LHX2: variants seen among roughly 807,000 people sequenced by gnomAD.
LHX2 encodes LIM homeobox 2, also known as LIM/homeobox protein Lhx2.
In LHX2, 6 loss-of-function variants were observed where a neutral mutation model predicts 33.0. That is an observed-to-expected ratio of 0.18 (90% confidence interval 0.10 to 0.36). The LOEUF (loss-of-function observed/expected upper bound fraction) is 0.36. Among genes scored for constraint, LHX2 ranks in the 10% least tolerant of loss-of-function variants. LHX2 has a pLI of 1.00. For missense variants in LHX2, 442 were observed against 586.2 expected (o/e 0.75, Z 2.54); for synonymous variants, 292 against 253.1 (o/e 1.15, Z -1.46).
At chr9:124,024,501 A>C (rs890144987) in intron 4 of LHX2, among the ~76,000 whole-genome samples, 1 of 152,236 alleles carries the variant, frequency 6.6e-6, no homozygotes, top group African/African-American at 2.4e-5. Context: ...ACTTACCAGC[A>C]GTGAGATTTG....
At chr9:124,018,536 T>G (rs1367138698) in intron 3 of LHX2, among the ~76,000 whole-genome samples, 1 of 151,894 alleles carries the variant, frequency 6.6e-6, no homozygotes, top group African/African-American at 2.4e-5. Flanking sequence ...TTTCCCCTTT[T>G]CTCTACTCCC....
chr9:124,024,810 G>T (rs1166871469), intron 4 of LHX2, among the ~76,000 whole-genome samples: 1 of 152,168 alleles, frequency 6.6e-6, no homozygotes, highest in Non-Finnish European at 1.5e-5. Context: ...TAGAACCCTG[G>T]CCCTGAGTCT....
chr9:124,012,589 C>G lies in LHX2; in HGVS notation c.120+121C>G. 8.3e-7 allele frequency: 1 copy of G among 1,209,982 alleles called. No homozygotes were observed. The highest frequency in any genetic ancestry group is 1.1e-6 in the Non-Finnish European group (1 of 934,106). 75.0% of individuals were successfully genotyped at this position (1,209,982 alleles called of 1,614,324 possible). A position where few individuals can be genotyped will look rare whatever the true frequency, so the allele number is the denominator to read the frequency against. ...CCGCACGGGACTGGGTGCTGGGGAT[C>G]CTCGGTCAGAATGCAAGGCCGGTGG... On this transcript the variant is annotated intron_variant, in intron 1 of 4. Transcript: ENST00000373615. The surrounding 1 kb of genome is among the most constrained non-coding windows in gnomAD (Gnocchi z 4.3).
chr9:124,015,936 C>G lies in LHX2; in HGVS notation c.727+411C>G, dbSNP rs1247954952. 6.6e-6 allele frequency among the ~76,000 whole-genome samples: 1 copy of G among 152,214 alleles called. No homozygotes were observed. On this transcript the variant is annotated intron_variant, in intron 3 of 4. Transcript: ENST00000373615. The surrounding 1 kb of genome is among the most constrained non-coding windows in gnomAD (Gnocchi z 7.9). The stretch of plus-strand genomic sequence containing the variant: ...GGAACGAGGCAGGGCGGCGAGGGTC[C>G]CAAGAGAAAGGGCTGGCTGTGGCCC...
Position 124,032,722 on chromosome 9 carries a change from T to A in LHX2, c.*15T>A. The A allele has an allele frequency of 6.5e-7, 1 of 1,541,808 alleles. No individual in the cohort carries two copies. The highest frequency in any genetic ancestry group is 1.4e-5 in the African/African-American group (1 of 72,310). ...ACCTTTTCTAATGACTCGCAACCCCTCACCCCACAATTTCTTTAAAAAAGA... is the reference window on the plus strand; with the variant it reads ...ACCTTTTCTAATGACTCGCAACCCCACACCCCACAATTTCTTTAAAAAAGA... On this transcript the variant is annotated 3_prime_UTR_variant, in exon 5 of 5. Transcript: ENST00000373615. The surrounding 1 kb of genome is among the most constrained non-coding windows in gnomAD (Gnocchi z 4.1).
Position 124,011,925 on chromosome 9 carries a change from G to A in LHX2, c.-424G>A, listed in dbSNP as rs1859092385. 2 of 152,192 alleles carry A rather than the reference G, an allele frequency of 1.3e-5. No homozygotes were observed. The highest frequency in any genetic ancestry group is 4.1e-4 in the South Asian group (2 of 4,834). 9.4% of individuals were successfully genotyped at this position (152,192 alleles called of 1,614,324 possible). A position where few individuals can be genotyped will look rare whatever the true frequency, so the allele number is the denominator to read the frequency against. ...CCGCCGCGGACACCTAGCGGCTTCA[G>A]GGTGAACCCCGACCGCAGCCGTCGC... On this transcript the variant is annotated 5_prime_UTR_variant, in exon 1 of 5. Coordinates refer to ENST00000373615, the MANE Select transcript of LHX2 (RefSeq NM_004789.4).
At position 124,030,703 on chromosome 9, in the gene LHX2, C is replaced by T. The variant is rs1405271680; in HGVS notation, c.934-1717C>T. 2.1e-5 allele frequency among the ~76,000 whole-genome samples: 3 copies of T among 142,550 alleles called. No homozygotes were observed. The East Asian group carries it at 6.2e-4, about 29-fold the overall frequency. 93.5% of individuals were successfully genotyped at this position (142,550 alleles called of 152,430 possible). On this transcript the variant is annotated intron_variant, in intron 4 of 4. Coordinates refer to ENST00000373615, the MANE Select transcript of LHX2 (RefSeq NM_004789.4). ...CTGGAGTGCAGTGGTGGGATCTTGG[C>T]TCACTGTATCCTCCGCCTCCCGGGT...
In LHX2 at chr9:124,012,219, G is replaced by T; in HGVS notation, c.-130G>T. 6 of 964,800 alleles carry T rather than the reference G, an allele frequency of 6.2e-6. No individual in the cohort carries two copies. The highest frequency in any genetic ancestry group is 7.9e-6 in the Non-Finnish European group (6 of 761,258). The allele number at this position is 964,800 out of a possible 1,614,324, so 59.8% of individuals were successfully genotyped here. On this transcript the variant is annotated 5_prime_UTR_variant, in exon 1 of 5. Coordinates refer to ENST00000373615, the MANE Select transcript of LHX2 (RefSeq NM_004789.4). The surrounding 1 kb of genome is among the most constrained non-coding windows in gnomAD (Gnocchi z 4.3). Reference sequence around the variant, plus strand: ...GAGCCCGGCCTGGGGGCTCAGCCGAGCTCGGGCGGGGCCGGGGCCGCGGTG... The same window carrying T: ...GAGCCCGGCCTGGGGGCTCAGCCGATCTCGGGCGGGGCCGGGGCCGCGGTG...
rs975969502 is a variant in LHX2, at chr9:124,016,588, C to T, written c.727+1063C>T. 6.6e-6 allele frequency among the ~76,000 whole-genome samples: 1 copy of T among 152,126 alleles called. No individual in the cohort carries two copies. The highest frequency in any genetic ancestry group is 2.1e-4 in the South Asian group (1 of 4,818). ...ACCCAAGACTGTGCAGAGGGTGCTA[C>T]GGCGGGAAGAAGTCAGTTATTTTCA... On this transcript the variant is annotated intron_variant, in intron 3 of 4. Coordinates refer to ENST00000373615, the MANE Select transcript of LHX2 (RefSeq NM_004789.4). This position sits in a 1 kb window ranked among gnomAD's most constrained non-coding sequence, Gnocchi z 4.4.
chr9:124,016,266 G>A lies in LHX2; in HGVS notation c.727+741G>A, dbSNP rs1564549082. Among the ~76,000 whole-genome samples the A allele has an allele frequency of 6.6e-6, 1 of 152,154 alleles. No individual in the cohort carries two copies. Among genetic ancestry groups the A allele is most frequent in the Non-Finnish European group, 1.5e-5 (1 of 68,016 alleles). ...GGGGTGAGGTGGGGGGCTTGGTTCG[G>A]ATTTCCGGCATCTTTGAACCCCAGG... On this transcript the variant is annotated intron_variant, in intron 3 of 4. Coordinates refer to ENST00000373615, the MANE Select transcript of LHX2 (RefSeq NM_004789.4). This position sits in a 1 kb window ranked among gnomAD's most constrained non-coding sequence, Gnocchi z 4.4.
intron 4 of LHX2, among the ~76,000 whole-genome samples, chr9:124,027,131 A>G (rs769050757): frequency 6.6e-6 from 1 of 152,250 alleles, no homozygotes; most frequent in Non-Finnish European, 1.5e-5. Context: ...GCCTGGGGCT[A>G]GAACCAAGGG....
chr9:124,014,138 A>C lies in LHX2; in HGVS notation c.298A>C (p.Ile100Leu). The C allele has an allele frequency of 6.2e-7, 1 of 1,613,352 alleles. No individual in the cohort carries two copies. Among genetic ancestry groups the C allele is most frequent in the Non-Finnish European group, 8.5e-7 (1 of 1,179,978 alleles). ...ELTCFSKDGS[I>L]YCKEDYYRRF... ...CACCTGTTTCAGCAAGGACGGTAGC[A>C]TCTACTGCAAGGAAGACTACTACAG... is the stretch of plus-strand genomic sequence containing the variant. Residue 100 changes from isoleucine (I) to leucine (L), a missense_variant, in exon 2 of 5, where the codon ATC becomes CTC. Ile to Leu is a conservative substitution (Grantham distance 5, BLOSUM62 2). Around this residue, in one of 5 missense-constraint regions of LHX2, gnomAD observed 72 missense variants for 171.6 expected, o/e 0.42. Transcript: ENST00000373615. This position sits in a 1 kb window ranked among gnomAD's most constrained non-coding sequence, Gnocchi z 4.8.
intron 1 of LHX2, among the ~76,000 whole-genome samples, chr9:124,013,572 G>A (rs1244782645): frequency 6.6e-6 from 1 of 152,262 alleles, no homozygotes; most frequent in Non-Finnish European, 1.5e-5. Flanking sequence ...TATCCCCCGG[G>A]TGGCTCATTT....
chr9:124,014,074 C>G lies in LHX2; in HGVS notation c.234C>G (p.Leu78=), dbSNP rs1310949952. 2 of 1,613,724 alleles carry G rather than the reference C, an allele frequency of 1.2e-6. No homozygotes were observed. Among genetic ancestry groups the G allele is most frequent in the Non-Finnish European group, 1.7e-6 (2 of 1,180,018 alleles). ...ACAAGCAGTGGCACATGCGCTGCCT[C>G]AAGTGCTGCGAGTGCAAGCTCAACC... ...AVDKQWHMRC[L]KCCECKLNLE... Residue 78 remains leucine, a synonymous_variant, in exon 2 of 5, where the codon CTC becomes CTG. Coordinates refer to ENST00000373615, the MANE Select transcript of LHX2 (RefSeq NM_004789.4). The surrounding 1 kb of genome is among the most constrained non-coding windows in gnomAD (Gnocchi z 4.8).
rs762815287 is a variant in LHX2 at position 124,032,598 on chromosome 9, C to G, written c.1112C>G (p.Thr371Ser). The change falls in exon 5 of 5, where the codon ACT (threonine) becomes AGT (serine). Residue 371 changes from threonine to serine, a missense_variant. Around this residue, in one of 5 missense-constraint regions of LHX2, gnomAD observed 109 missense variants for 98.7 expected, o/e 1.10. Coordinates refer to ENST00000373615, the MANE Select transcript of LHX2 (RefSeq NM_004789.4). This position sits in a 1 kb window ranked among gnomAD's most constrained non-coding sequence, Gnocchi z 4.1. ...SSTPTTLTDLTSPTLPTVTSV... is the reference protein window; with the variant it reads ...SSTPTTLTDLSSPTLPTVTSV... ...ACGCCCACCACCCTGACAGACTTGA[C>G]TAGCCCCACCCTGCCAACTGTGACG... 1.9e-6 allele frequency: 3 copies of G among 1,614,202 alleles called. No individual in the cohort carries two copies. Among genetic ancestry groups the G allele is most frequent in the Non-Finnish European group, 2.5e-6 (3 of 1,180,018 alleles).
At chr9:124,017,536 C>T (rs143066126) in intron 3 of LHX2, among the ~76,000 whole-genome samples, 1,615 of 151,998 alleles carry the variant, frequency 0.011, 7 homozygotes, top group African/African-American at 0.022. Flanking sequence ...CTGGAGGGTG[C>T]GATCGCGGAC....
Position 124,015,533 on chromosome 9 carries a change from C to A in LHX2, c.727+8C>A, listed in dbSNP as rs1213832272. 6.9e-7 allele frequency: 1 copy of A among 1,454,448 alleles called. No homozygotes were observed. Among genetic ancestry groups the A allele is most frequent in the South Asian group, 1.5e-5 (1 of 68,334 alleles). 90.1% of individuals were successfully genotyped at this position (1,454,448 alleles called of 1,614,324 possible). A position where few individuals can be genotyped will look rare whatever the true frequency, so the allele number is the denominator to read the frequency against. On this transcript the variant is annotated splice_region_variant and intron_variant, in intron 3 of 4. Coordinates refer to ENST00000373615, the MANE Select transcript of LHX2 (RefSeq NM_004789.4). This position sits in a 1 kb window ranked among gnomAD's most constrained non-coding sequence, Gnocchi z 7.9. ...TGGCGGCCTACAACGCTGGTGAGTG[C>A]GCGGCGCACGAAGCGCCCCCATAGG...
rs1240660407 is a variant in LHX2 at position 124,012,331 on chromosome 9, C to A, written c.-18C>A. 4 of 1,488,376 alleles carry A rather than the reference C, an allele frequency of 2.7e-6. No individual in the cohort carries two copies. In the East Asian group the frequency reaches 8.8e-5, roughly 33 times the overall value. 92.2% of individuals were successfully genotyped at this position (1,488,376 alleles called of 1,614,324 possible). A position where few individuals can be genotyped will look rare whatever the true frequency, so the allele number is the denominator to read the frequency against. On this transcript the variant is annotated 5_prime_UTR_variant, in exon 1 of 5. Transcript: ENST00000373615. This position sits in a 1 kb window ranked among gnomAD's most constrained non-coding sequence, Gnocchi z 4.3. ...CCCTCGGAGGAGCCGCGCCCCCGGCCCCGCCGGTCCCGCCGCGATGCTGTT... is the reference window on the plus strand; with the variant it reads ...CCCTCGGAGGAGCCGCGCCCCCGGCACCGCCGGTCCCGCCGCGATGCTGTT...
chr9:124,018,183 C>G (rs1378365051), intron 3 of LHX2, among the ~76,000 whole-genome samples: 2 of 151,796 alleles, frequency 1.3e-5, no homozygotes, highest in African/African-American at 4.8e-5. Context: ...GACAAGAGCT[C>G]GAAACCCGAT....
Sources: allele counts gnomAD v4.1 joint callset (sites outside exome capture counted in the v4.1 genomes callset), GRCh38; gene constraint gnomAD v4.1.1; regional missense constraint gnomAD v4.1.1; non-coding constraint Gnocchi (gnomAD v3.1); transcripts MANE v1.5; gene names NCBI Gene and HGNC (gene_info 2026-07-23, HGNC 2026-07-21).